The following USP15 variants were observed in gnomAD, a reference collection of about 807,000 sequenced individuals.
USP15 encodes the protein ubiquitin specific peptidase 15.
A neutral mutation model predicts 127.1 loss-of-function variants in USP15; 18 were observed. That is an observed-to-expected ratio of 0.14 (90% CI 0.10 to 0.21). USP15 has a LOEUF of 0.21. USP15 is among the 10% of genes least tolerant of loss of function. The pLI is 1.00. For synonymous variants in USP15, 364 were observed against 393.7 expected (o/e 0.92, Z 0.89); for missense variants, 805 against 1,159.9 (o/e 0.69, Z 4.44).
intron 8 of USP15, among the ~76,000 whole-genome samples, chr12:62,372,458 C>G (rs1373226285): frequency 6.6e-6 from 1 of 152,004 alleles, no homozygotes; most frequent in Non-Finnish European, 1.5e-5. Flanking sequence ...GTAATGATCT[C>G]TTAATATTTG....
At chr12:62,320,786 C>T (rs868126945) in intron 4 of USP15, among the ~76,000 whole-genome samples, 1 of 151,944 alleles carries the variant, frequency 6.6e-6, no homozygotes, top group Non-Finnish European at 1.5e-5. Context: ...AAAACTACAA[C>T]TATTCTAAAA....
At chr12:62,307,388 A>G (rs1416830518) in intron 3 of USP15, among the ~76,000 whole-genome samples, 2 of 152,180 alleles carry the variant, frequency 1.3e-5, no homozygotes, top group Admixed American at 6.6e-5. Context: ...GGTAGATTTC[A>G]TAATCGTTAT....
rs560502802 is a variant in USP15, at chr12:62,268,728, A to T, written c.89+8225A>T. ...CCTCCATTCTTTGCTTTTAAAATAT[A>T]TATGTATATATAAAACAGCTTTATT... On this transcript the variant is annotated intron_variant, in intron 1 of 21. Coordinates refer to ENST00000280377, the MANE Select transcript of USP15 (RefSeq NM_001252078.2). Among the ~76,000 whole-genome samples the T allele has an allele frequency of 3.3e-5, 5 of 152,244 alleles. No individual in the cohort carries two copies. The South Asian group carries it at 1.0e-3, about 32-fold the overall frequency.
intron 1 of USP15, among the ~76,000 whole-genome samples, chr12:62,270,088 T>G (rs1293037803): frequency 1.3e-5 from 2 of 152,132 alleles, no homozygotes; most frequent in Non-Finnish European, 2.9e-5. Context: ...TGAAGTAGTA[T>G]CTCATTGTAG....
intron 3 of USP15, among the ~76,000 whole-genome samples, chr12:62,314,513 A>G (rs962840459): frequency 1.3e-5 from 2 of 151,932 alleles, no homozygotes; most frequent in African/African-American, 4.8e-5. Flanking sequence ...GTACTAGTGT[A>G]TCTTCATAGA....
chr12:62,267,945 T>G (rs1262046219), intron 1 of USP15, among the ~76,000 whole-genome samples: 4 of 152,108 alleles, frequency 2.6e-5, no homozygotes, highest in Non-Finnish European at 5.9e-5. Context: ...GAGATTTGCC[T>G]TTGATAAAAA....
chr12:62,304,312 A>G (rs1004599609), intron 3 of USP15, among the ~76,000 whole-genome samples: 8 of 152,230 alleles, frequency 5.3e-5, no homozygotes, highest in Admixed American at 4.6e-4. Flanking sequence ...TTTTAACAAG[A>G]TGAATGAAAT....
At chr12:62,350,857 C>G (rs1447294506) in intron 7 of USP15, among the ~76,000 whole-genome samples, 1 of 152,078 alleles carries the variant, frequency 6.6e-6, no homozygotes, top group African/African-American at 2.4e-5. Flanking sequence ...AACTCCTGGG[C>G]TCAAGCAATC....
chr12:62,311,038 A>G (rs972254968), intron 3 of USP15, among the ~76,000 whole-genome samples: 2 of 151,838 alleles, frequency 1.3e-5, no homozygotes, highest in African/African-American at 4.8e-5. Context: ...AGAAATGTCT[A>G]TTCATGTCCT....
chr12:62,359,584 C>G (rs2137467417), intron 8 of USP15, among the ~76,000 whole-genome samples: 1 of 152,200 alleles, frequency 6.6e-6, no homozygotes, highest in East Asian at 1.9e-4. Flanking sequence ...ATTCTGTTCT[C>G]CATAACCGTT....
intron 2 of USP15, among the ~76,000 whole-genome samples, chr12:62,301,271 G>A (rs1248752278): frequency 6.6e-6 from 1 of 152,152 alleles, no homozygotes; most frequent in Non-Finnish European, 1.5e-5. Flanking sequence ...TCAGAAAATA[G>A]TCTGGCAGTT....
At chr12:62,261,095 C>T (rs1018506208) in intron 1 of USP15, among the ~76,000 whole-genome samples, 2 of 152,082 alleles carry the variant, frequency 1.3e-5, no homozygotes, top group South Asian at 2.1e-4. Context: ...AGTAGGGAAC[C>T]TTGGGCTTAT....
intron 1 of USP15, among the ~76,000 whole-genome samples, chr12:62,262,633 AAATT>A (rs2063100376): frequency 6.6e-6 from 1 of 152,276 alleles, no homozygotes; most frequent in East Asian, 1.9e-4. Flanking sequence ...CTTTTTTACA[AAATT>A]AATGTAAATT....
chr12:62,310,015 A>G (rs2064612528), intron 3 of USP15, among the ~76,000 whole-genome samples: 1 of 151,950 alleles, frequency 6.6e-6, no homozygotes, highest in Non-Finnish European at 1.5e-5. Flanking sequence ...AAGATACAAG[A>G]CTGTCAGTGT....
At chr12:62,352,971 A>T (rs2066005591) in intron 7 of USP15, among the ~76,000 whole-genome samples, 1 of 152,030 alleles carries the variant, frequency 6.6e-6, no homozygotes, top group African/African-American at 2.4e-5. Context: ...GATGATGACT[A>T]GCTTAAGATC....
At chr12:62,382,738 TG>T (rs1398653424) in intron 9 of USP15, among the ~76,000 whole-genome samples, 1 of 151,956 alleles carries the variant, frequency 6.6e-6, no homozygotes, top group African/African-American at 2.4e-5. Context: ...TGAACATTAA[TG>T]TTTCTGTTAT....
intron 8 of USP15, among the ~76,000 whole-genome samples, chr12:62,359,659 G>A (rs958666245): frequency 2.0e-5 from 3 of 152,050 alleles, no homozygotes; most frequent in African/African-American, 7.2e-5. Flanking sequence ...AGAAATAATT[G>A]AGTGTACTTT....
intron 2 of USP15, among the ~76,000 whole-genome samples, chr12:62,298,230 A>G (rs2137172298): frequency 6.6e-6 from 1 of 152,362 alleles, no homozygotes; most frequent in African/African-American, 2.4e-5. Flanking sequence ...ATATTTAAAG[A>G]CATACTGGCT....
At position 62,388,273 on chromosome 12, in the gene USP15, C is replaced by T. The variant is rs77910697; in HGVS notation, c.1474-1158C>T. The stretch of plus-strand genomic sequence containing the variant: ...TCAGACTCCCAAGTAGCTGGGACTA[C>T]AGGTGTGCGCCTCCGAGCCCAGCTA... On this transcript the variant is annotated intron_variant, in intron 11 of 21. Transcript: ENST00000280377. Among the ~76,000 whole-genome samples the T allele has an allele frequency of 7.2e-3, 1,091 of 152,126 alleles. 2 individuals are homozygous for T. The highest frequency in any genetic ancestry group is 0.012 in the Non-Finnish European group (811 of 67,976).
Sources: gnomAD v4.1 joint callset for allele counts (sites outside exome capture counted in the v4.1 genomes callset) on GRCh38, gnomAD v4.1.1 for gene constraint, MANE v1.5 for transcripts, NCBI Gene and HGNC (gene_info 2026-07-23, HGNC 2026-07-21) for gene names.